The following EPB41L1 variants were observed in gnomAD, a reference collection of about 807,000 sequenced individuals.
EPB41L1 encodes the protein band 4.1-like protein 1.
In EPB41L1, 29 loss-of-function variants were observed where a neutral mutation model predicts 97.8. The observed-to-expected ratio is 0.30, with a 90% CI of 0.22 to 0.40. EPB41L1 has a LOEUF of 0.40. EPB41L1 is among the 10% of genes least tolerant of loss of function. The probability of loss-of-function intolerance (pLI) is 1.00; values close to 1 mark genes in which losing one functional copy is unlikely to be tolerated. For missense variants in EPB41L1, 812 were observed against 1,162.3 expected (o/e 0.70, Z 4.38); for synonymous variants, 383 against 459.2 (o/e 0.83, Z 2.12).
chr20:36,193,187 A>G (rs1207282219), intron 11 of EPB41L1, among the ~76,000 whole-genome samples: 2 of 152,142 alleles, frequency 1.3e-5, no homozygotes, highest in South Asian at 2.1e-4. Context: ...ATCGGAGAGG[A>G]GCAGAAGCAT....
At chr20:36,224,803 A>G (rs1390895343) in intron 21 of EPB41L1, among the ~76,000 whole-genome samples, 1 of 152,182 alleles carries the variant, frequency 6.6e-6, no homozygotes, top group Non-Finnish European at 1.5e-5. Flanking sequence ...AGTGTTATCT[A>G]GAAAATCTAT....
intron 14 of EPB41L1, among the ~76,000 whole-genome samples, chr20:36,205,372 C>T (rs2062742324): frequency 6.6e-6 from 1 of 152,206 alleles, no homozygotes; most frequent in African/African-American, 2.4e-5. Context: ...AGTCACTGTC[C>T]ATCTCTAGAC....
intron 11 of EPB41L1, among the ~76,000 whole-genome samples, chr20:36,193,837 T>C (rs1166346721): frequency 6.6e-6 from 1 of 152,228 alleles, no homozygotes; most frequent in African/African-American, 2.4e-5. Context: ...CACTCTTCCA[T>C]AAATATTTAT....
At chr20:36,110,445 C>T (rs12479796) in intron 1 of EPB41L1, among the ~76,000 whole-genome samples, 1 of 152,194 alleles carries the variant, frequency 6.6e-6, no homozygotes, top group Admixed American at 6.5e-5. Flanking sequence ...CCCTTCTCTC[C>T]TGCCCAGTCC....
rs142640473 is a variant in EPB41L1 at position 36,093,688 on chromosome 20, C to CGTGTGT, written c.-65+2087_-65+2092dup. Among the ~76,000 whole-genome samples the CGTGTGT allele has an allele frequency of 7.5e-5, 11 of 146,802 alleles. No homozygotes were observed. In the East Asian group the frequency reaches 2.1e-3, roughly 27 times the overall value. ...TGAAGCCCGTGTGCGTGCGTGCGTGCGTGTGTGTGTGTGTGTATGTGTATG... is the reference window on the plus strand; with the variant it reads ...TGAAGCCCGTGTGCGTGCGTGCGTGCGTGTGTGTGTGTGTGTGTGTGTATGTGTATG... On this transcript the variant is annotated intron_variant, in intron 1 of 19. Transcript: ENST00000202028. This position sits in a 1 kb window ranked among gnomAD's most constrained non-coding sequence, Gnocchi z 5.4.
At chr20:36,146,955 T>A (rs1449619361) in intron 2 of EPB41L1, among the ~76,000 whole-genome samples, 2 of 151,666 alleles carry the variant, frequency 1.3e-5, no homozygotes, top group Non-Finnish European at 2.9e-5. Context: ...GAGACCAGCC[T>A]AGGCAACATG....
At chr20:36,194,413 T>G in intron 12 of EPB41L1, 53 bp downstream of exon 12, 2 of 1,560,034 alleles carry the variant, frequency 1.3e-6, no homozygotes, top group Non-Finnish European at 1.7e-6. Flanking sequence ...GAGGCTGACC[T>G]GAGGTCTAGC....
chr20:36,213,042 T>C (rs1334730581), intron 16 of EPB41L1, among the ~76,000 whole-genome samples: 1 of 152,190 alleles, frequency 6.6e-6, no homozygotes, highest in African/African-American at 2.4e-5. Context: ...TCCTGGTTTT[T>C]CCTGGCCAGA....
chr20:36,104,072 C>T (rs925066183), intron 1 of EPB41L1, among the ~76,000 whole-genome samples: 14 of 151,862 alleles, frequency 9.2e-5, no homozygotes, highest in African/African-American at 3.1e-4. Flanking sequence ...GGGTGAGAGA[C>T]AAAAAAATAA....
In EPB41L1 at chr20:36,173,794, G is replaced by T. The variant is rs2061100708; in HGVS notation, c.17G>T (p.Gly6Val). 4 of 1,614,130 alleles carry T rather than the reference G, an allele frequency of 2.5e-6. No homozygotes were observed. The highest frequency in any genetic ancestry group is 2.7e-5 in the African/African-American group (2 of 75,048). Residue 6 changes from glycine to valine, a missense_variant, in exon 2 of 22, where the codon GGC becomes GTC. Coordinates refer to ENST00000338074, the MANE Select transcript of EPB41L1 (RefSeq NM_012156.2). MTTET[G>V]PDSEVKKAQE... Reference sequence around the variant, plus strand: ...CTGGTCACCATGACAACAGAGACAGGCCCCGACTCTGAGGTGAAGAAAGCT... The same window carrying T: ...CTGGTCACCATGACAACAGAGACAGTCCCCGACTCTGAGGTGAAGAAAGCT...
At chr20:36,152,688 T>G, upstream of EPB41L1, 1 of 271,152 alleles carries the variant, frequency 3.7e-6, no homozygotes, top group Non-Finnish European at 7.4e-6. Flanking sequence ...ACTCCTGAGT[T>G]TTATTGGTCC....
Position 36,190,992 on chromosome 20 carries a change from C to T in EPB41L1, c.1300+195C>T, listed in dbSNP as rs565427187. ...CTTAGTCCCAACCTAGAGCTCACTCCCACTTGAGATGTGATACTACCACTC... is the reference window on the plus strand; with the variant it reads ...CTTAGTCCCAACCTAGAGCTCACTCTCACTTGAGATGTGATACTACCACTC... On this transcript the variant is annotated intron_variant, in intron 11 of 21. Coordinates refer to ENST00000338074, the MANE Select transcript of EPB41L1 (RefSeq NM_012156.2). This position sits in a 1 kb window ranked among gnomAD's most constrained non-coding sequence, Gnocchi z 5.8. 1.9e-4 allele frequency among the ~76,000 whole-genome samples: 29 copies of T among 152,246 alleles called. No individual in the cohort carries two copies. Among genetic ancestry groups the T allele is most frequent in the African/African-American group, 7.0e-4 (29 of 41,542 alleles).
intron 2 of EPB41L1, among the ~76,000 whole-genome samples, chr20:36,134,359 C>T (rs938947918): frequency 4.6e-5 from 7 of 152,150 alleles, no homozygotes; most frequent in Admixed American, 2.6e-4. Context: ...TAAGCAGATC[C>T]CCACTAATCC....
At position 36,207,956 on chromosome 20, in the gene EPB41L1, C is replaced by T. The variant is rs1181796121; in HGVS notation, c.1669-1532C>T. Among the ~76,000 whole-genome samples, 1 of 152,230 alleles carries T rather than the reference C, an allele frequency of 6.6e-6. No homozygotes were observed. The highest frequency in any genetic ancestry group is 2.4e-5 in the African/African-American group (1 of 41,452). On this transcript the variant is annotated intron_variant, in intron 14 of 21. Transcript: ENST00000338074. This position sits in a 1 kb window ranked among gnomAD's most constrained non-coding sequence, Gnocchi z 4.9. ...TAAACGGGCCTGGGTGTAGCTCAGGCTGAATGATGGGCTTCTCTGCTTGGC... is the reference window on the plus strand; with the variant it reads ...TAAACGGGCCTGGGTGTAGCTCAGGTTGAATGATGGGCTTCTCTGCTTGGC...
At chr20:36,111,162 A>G (rs572728712) in intron 1 of EPB41L1, among the ~76,000 whole-genome samples, 1 of 152,242 alleles carries the variant, frequency 6.6e-6, no homozygotes, top group Non-Finnish European at 1.5e-5. Flanking sequence ...ATGAGGAAGT[A>G]AAGTGACTTG....
Position 36,154,743 on chromosome 20 carries a change from C to G in EPB41L1, c.-168C>G. On this transcript the variant is annotated 5_prime_UTR_variant, in exon 1 of 22. Transcript: ENST00000338074. The surrounding 1 kb of genome is among the most constrained non-coding windows in gnomAD (Gnocchi z 5.5). ...CCGCCGCCGCCGCCGCTGCTGCAGTCGGCATCCATCAGCGGGCGGGGGTGT... is the reference window on the plus strand; with the variant it reads ...CCGCCGCCGCCGCCGCTGCTGCAGTGGGCATCCATCAGCGGGCGGGGGTGT... 1 of 986,382 alleles carries G rather than the reference C, an allele frequency of 1.0e-6. No individual in the cohort carries two copies. The highest frequency in any genetic ancestry group is 1.2e-6 in the Non-Finnish European group (1 of 830,948). 61.1% of individuals were successfully genotyped at this position (986,382 alleles called of 1,614,324 possible).
rs2063329247 is a variant in EPB41L1 at position 36,214,547 on chromosome 20, C to T, written c.2268+107C>T. 7.9e-6 allele frequency: 7 copies of T among 884,510 alleles called. No homozygotes were observed. The South Asian group carries it at 9.9e-5, about 13-fold the overall frequency. The allele number at this position is 884,510 out of a possible 1,614,324, so 54.8% of individuals were successfully genotyped here. On this transcript the variant is annotated intron_variant, in intron 17 of 21. Transcript: ENST00000338074. ...GCTGCTTCAGGAAGTTGTGAGCTGC[C>T]CTCGCTGCATCAGGCATGGGACATA...
intron 6 of EPB41L1, among the ~76,000 whole-genome samples, chr20:36,183,442 C>G (rs182124785): frequency 6.6e-6 from 1 of 152,196 alleles, no homozygotes; most frequent in Admixed American, 6.5e-5. Context: ...AGGTCAGGTG[C>G]GGGCTAATGT....
At chr20:36,167,753 A>C (rs1482962973) in intron 1 of EPB41L1, among the ~76,000 whole-genome samples, 1 of 151,510 alleles carries the variant, frequency 6.6e-6, no homozygotes, top group Non-Finnish European at 1.5e-5. Context: ...ATAAATAATA[A>C]ATAAAGAGGG....
Sources: gnomAD v4.1 joint callset for allele counts (sites outside exome capture counted in the v4.1 genomes callset) on GRCh38, gnomAD v4.1.1 for gene constraint, Gnocchi (gnomAD v3.1) non-coding constraint, MANE v1.5 for transcripts, NCBI Gene and HGNC (gene_info 2026-07-23, HGNC 2026-07-21) for gene names.